The following PSMB2 variants were observed in gnomAD, a reference collection of about 807,000 sequenced individuals.
PSMB2 encodes proteasome 20S subunit beta 2.
In PSMB2, 13 loss-of-function variants were observed where a neutral mutation model predicts 25.7. The ratio of observed to expected loss-of-function variants is 0.51; its 90% CI spans 0.33 to 0.80. PSMB2 has a LOEUF of 0.80. Among genes scored for constraint, PSMB2 ranks in the 30% least tolerant of loss-of-function variants. The pLI, the probability that PSMB2 is intolerant of heterozygous loss-of-function variation, is 0.02. For missense variants in PSMB2, 202 were observed against 259.0 expected, an observed-to-expected ratio of 0.78 and a Z score of 1.51; for synonymous variants, 87 against 96.2, an observed-to-expected ratio of 0.90 and a Z score of 0.56.
intron 1 of PSMB2, among the ~76,000 whole-genome samples, chr1:35,637,011 C>G (rs1471939296): frequency 1.3e-5 from 2 of 152,110 alleles, no homozygotes; most frequent in Non-Finnish European, 2.9e-5. Context: ...ATGAAAGCTA[C>G]CAATTGAAAA....
chr1:35,635,278 T>C (rs1651213859), intron 2 of PSMB2, among the ~76,000 whole-genome samples: 1 of 151,592 alleles, frequency 6.6e-6, no homozygotes, highest in East Asian at 2.0e-4. Context: ...AAAAAATTTT[T>C]TTTTTTTTTG....
At chr1:35,623,378 G>A (rs1484296044) in intron 3 of PSMB2, among the ~76,000 whole-genome samples, 1 of 152,186 alleles carries the variant, frequency 6.6e-6, no homozygotes, top group East Asian at 1.9e-4. Flanking sequence ...CTAAGGTTTG[G>A]TAGGGAAGAA....
At chr1:35,628,628 TA>T (rs1650985500) in intron 3 of PSMB2, among the ~76,000 whole-genome samples, 2 of 51,148 alleles carry the variant, frequency 3.9e-5, no homozygotes, top group African/African-American at 1.6e-4. Flanking sequence ...TATATATATA[TA>T]TATTTTTTTT....
At chr1:35,609,598 G>A (rs1650272958) in intron 3 of PSMB2, among the ~76,000 whole-genome samples, 190 bp from the exon 4 acceptor site, 1 of 152,198 alleles carries the variant, frequency 6.6e-6, no homozygotes, top group African/African-American at 2.4e-5. Context: ...AGGGACGTCA[G>A]CTTGTTCTCT....
At chr1:35,611,838 GGA>G (rs144144116) in intron 3 of PSMB2, among the ~76,000 whole-genome samples, 3,478 of 148,704 alleles carry the variant, frequency 0.023, 114 homozygotes, top group African/African-American at 0.065. Flanking sequence ...AAAAAAAAAA[GGA>G]GAGAGAGAGA....
At chr1:35,633,097 TA>T (rs1292302219) in intron 2 of PSMB2, among the ~76,000 whole-genome samples, 1 of 151,802 alleles carries the variant, frequency 6.6e-6, no homozygotes, top group African/African-American at 2.4e-5. Flanking sequence ...GGTGCATGCC[TA>T]TAATCCCAAC....
intron 1 of PSMB2, among the ~76,000 whole-genome samples, chr1:35,639,221 T>C (rs1255847078): frequency 6.6e-6 from 1 of 152,108 alleles, no homozygotes; most frequent in Admixed American, 6.5e-5. Context: ...GCCATTGCAC[T>C]CCAGCCTGGG....
At chr1:35,604,587 C>T (rs947688391) in intron 5 of PSMB2, among the ~76,000 whole-genome samples, 10 of 152,122 alleles carry the variant, frequency 6.6e-5, no homozygotes, top group African/African-American at 2.4e-4. Flanking sequence ...CAAGACCAGC[C>T]TGGCCAACAT....
intron 1 of PSMB2, among the ~76,000 whole-genome samples, chr1:35,640,867 A>G (rs1651372201): frequency 6.6e-6 from 1 of 152,212 alleles, no homozygotes; most frequent in South Asian, 2.1e-4. Flanking sequence ...GCCAGAGCAG[A>G]GCACTGACCC....
intron 3 of PSMB2, among the ~76,000 whole-genome samples, chr1:35,628,626 TA>T (rs1323759723): frequency 1.6e-4 from 8 of 49,800 alleles, no homozygotes; most frequent in African/African-American, 6.0e-4. Flanking sequence ...TATATATATA[TA>T]TATATTTTTT....
intron 3 of PSMB2, among the ~76,000 whole-genome samples, chr1:35,614,692 T>C (rs1166617207): frequency 6.6e-6 from 1 of 152,222 alleles, no homozygotes; most frequent in African/African-American, 2.4e-5. Flanking sequence ...CCAAAGGTCT[T>C]GGCAATCACC....
At chr1:35,632,882 GA>G (rs2148577235) in intron 2 of PSMB2, among the ~76,000 whole-genome samples, 1 of 151,556 alleles carries the variant, frequency 6.6e-6, no homozygotes, top group East Asian at 1.9e-4. Context: ...CGACAGGAGT[GA>G]GACCCTGTCT....
intron 3 of PSMB2, among the ~76,000 whole-genome samples, chr1:35,623,178 T>C (rs1464348310): frequency 6.6e-6 from 1 of 152,220 alleles, no homozygotes; most frequent in African/African-American, 2.4e-5. Flanking sequence ...CCCCCAATCC[T>C]AAGAGACTCC....
At position 35,602,728 on chromosome 1, in the gene PSMB2, C is replaced by T; in HGVS notation, c.*539G>A. 2 of 207,414 alleles carry T rather than the reference C, an allele frequency of 9.6e-6. No individual in the cohort carries two copies. The highest frequency in any genetic ancestry group is 1.7e-5 in the Non-Finnish European group (2 of 118,444). The allele number at this position is 207,414 out of a possible 1,614,324, so 12.8% of individuals were successfully genotyped here. The stretch of plus-strand genomic sequence containing the variant: ...GGTCAGGATGGTCTCGCTCTCTTGA[C>T]CTCGTGATCCGCCCGCCTCGGCCTC... On this transcript the variant is annotated 3_prime_UTR_variant, in exon 6 of 6. Transcript: ENST00000373237.
chr1:35,614,286 C>G (rs1650423882), intron 3 of PSMB2, among the ~76,000 whole-genome samples: 1 of 152,154 alleles, frequency 6.6e-6, no homozygotes, highest in Non-Finnish European at 1.5e-5. Context: ...TCCCTTAGTT[C>G]CCCATGATGT....
intron 3 of PSMB2, among the ~76,000 whole-genome samples, chr1:35,628,625 A>ATTTTTT (rs1293637771): frequency 4.5e-5 from 2 of 44,008 alleles, no homozygotes; most frequent in Admixed American, 4.2e-4. Context: ...ATATATATAT[A>ATTTTTT]TATATATTTT....
intron 3 of PSMB2, among the ~76,000 whole-genome samples, chr1:35,613,572 G>C (rs921937432): frequency 2.0e-5 from 3 of 152,194 alleles, no homozygotes; most frequent in Non-Finnish European, 4.4e-5. Context: ...TGCTACTTCT[G>C]AGAAGTGGTT....
At position 35,600,487 on chromosome 1, in the gene PSMB2, A is replaced by T. The variant is rs143698291; in HGVS notation, c.*2780T>A. On this transcript the variant is annotated 3_prime_UTR_variant, in exon 6 of 6. Transcript: ENST00000373237. ...ATCTTTGCAACTTTTCTGTAAAACC[A>T]AATTTATTCCAAAATAAAACATTTA... The T allele has an allele frequency of 8.4e-4, 819 of 974,934 alleles. 3 individuals carry two copies. In the African/African-American group the frequency reaches 0.013, roughly 16 times the overall value. 60.4% of individuals were successfully genotyped at this position (974,934 alleles called of 1,614,324 possible). A position where few individuals can be genotyped will look rare whatever the true frequency, so the allele number is the denominator to read the frequency against.
At chr1:35,621,595 A>G (rs942619089) in intron 3 of PSMB2, among the ~76,000 whole-genome samples, 1 of 152,228 alleles carries the variant, frequency 6.6e-6, no homozygotes, top group Non-Finnish European at 1.5e-5. Context: ...TTCAAAAGTA[A>G]TGGTAAATCT....
Sources: gnomAD v4.1 joint callset for allele counts (sites outside exome capture counted in the v4.1 genomes callset) on GRCh38, gnomAD v4.1.1 for gene constraint, MANE v1.5 for transcripts, NCBI Gene and HGNC (gene_info 2026-07-23, HGNC 2026-07-21) for gene names.